The following TBC1D19 variants were observed in gnomAD, a reference collection of about 807,000 sequenced individuals.
TBC1D19 encodes the protein TBC1 domain family, member 19.
In TBC1D19, 60 loss-of-function variants were observed where a neutral mutation model predicts 89.0. The ratio of observed to expected loss-of-function variants is 0.67; its 90% CI spans 0.55 to 0.84. TBC1D19 has a LOEUF of 0.84. Among genes scored for constraint, TBC1D19 ranks in the 40% least tolerant of loss-of-function variants. The pLI is 0.00. For synonymous variants in TBC1D19, 189 were observed against 199.7 expected (o/e 0.95, Z 0.45); for missense variants, 500 against 610.8 (o/e 0.82, Z 1.91).
At position 26,670,813 on chromosome 4, in the gene TBC1D19, A is replaced by G. The variant is rs183283403; in HGVS notation, c.665-1336A>G. On this transcript the variant is annotated intron_variant, in intron 9 of 20. Transcript: ENST00000264866. Reference sequence around the variant, plus strand: ...TATTTTTGTACTTTATAGAAATGAAATCATATAGTATATACTCTTTTGTGT... The same window carrying G: ...TATTTTTGTACTTTATAGAAATGAAGTCATATAGTATATACTCTTTTGTGT... Among the ~76,000 whole-genome samples the G allele has an allele frequency of 3.6e-3, 552 of 151,814 alleles. 3 individuals carry two copies. The highest frequency in any genetic ancestry group is 6.3e-3 in the Non-Finnish European group (424 of 67,744).
At chr4:26,709,108 C>A (rs1715965011) in intron 13 of TBC1D19, among the ~76,000 whole-genome samples, 1 of 151,688 alleles carries the variant, frequency 6.6e-6, no homozygotes, top group Non-Finnish European at 1.5e-5. Flanking sequence ...AAATCAGATT[C>A]TTTTTCTTCC....
At chr4:26,605,673 G>A (rs1263234815) in intron 1 of TBC1D19, among the ~76,000 whole-genome samples, 1 of 152,192 alleles carries the variant, frequency 6.6e-6, no homozygotes, top group African/African-American at 2.4e-5. Flanking sequence ...CCCACCAACA[G>A]TGTAAAAGTG....
the TBC1D19 span, among the ~76,000 whole-genome samples, chr4:26,800,370 A>G: frequency 1.6e-4 from 24 of 152,168 alleles, no homozygotes; most frequent in Admixed American, 2.0e-4. Flanking sequence ...ATTCCATGGT[A>G]CATATGTGCT....
the TBC1D19 span, among the ~76,000 whole-genome samples, chr4:26,764,124 G>A: frequency 6.6e-6 from 1 of 152,158 alleles, no homozygotes; most frequent in African/African-American, 2.4e-5. Context: ...TAAATGAAAT[G>A]TACTTCTTTT....
chr4:26,792,776 T>C, the TBC1D19 span, among the ~76,000 whole-genome samples: 2 of 152,232 alleles, frequency 1.3e-5, no homozygotes, highest in Middle Eastern at 3.2e-3. Context: ...CCTGCAGTAC[T>C]GCAAAGGCTA....
chr4:26,706,581 C>A (rs1314205428), intron 13 of TBC1D19, among the ~76,000 whole-genome samples: 2 of 151,972 alleles, frequency 1.3e-5, no homozygotes, highest in Non-Finnish European at 2.9e-5. Context: ...TAGCTTCTAG[C>A]CTAGTTTGCC....
At chr4:26,592,503 T>G in intron 1 of TBC1D19, among the ~76,000 whole-genome samples, 1 of 150,764 alleles carries the variant, frequency 6.6e-6, no homozygotes. Flanking sequence ...TCAGGCAGGT[T>G]AAAGAAATAA....
the TBC1D19 span, among the ~76,000 whole-genome samples, chr4:26,843,419 T>A: frequency 6.6e-6 from 1 of 152,054 alleles, no homozygotes; most frequent in Non-Finnish European, 1.5e-5. Flanking sequence ...GAGGTTGGGA[T>A]TCAACATCTC....
At chr4:26,684,069 G>A (rs534458671) in intron 12 of TBC1D19, among the ~76,000 whole-genome samples, 25 of 152,100 alleles carry the variant, frequency 1.6e-4, no homozygotes, top group Middle Eastern at 3.4e-3. Flanking sequence ...AAGCAAAACC[G>A]GATTATAATA....
intron 13 of TBC1D19, among the ~76,000 whole-genome samples, chr4:26,699,296 A>G (rs71612803): frequency 1.3e-5 from 2 of 152,232 alleles, no homozygotes; most frequent in African/African-American, 2.4e-5. Flanking sequence ...AGAAATGCAA[A>G]TCAAAACCAC....
chr4:26,606,431 A>G (rs940772975), intron 1 of TBC1D19, among the ~76,000 whole-genome samples: 9 of 152,230 alleles, frequency 5.9e-5, no homozygotes, highest in African/African-American at 2.2e-4. Flanking sequence ...ATCTTCACAT[A>G]GGAAGCTCTC....
At chr4:26,614,193 C>T (rs1043602250) in intron 2 of TBC1D19, among the ~76,000 whole-genome samples, 25 of 152,070 alleles carry the variant, frequency 1.6e-4, no homozygotes, top group African/African-American at 5.6e-4. Context: ...TTTAAAATAT[C>T]ATGTTGATGA....
At chr4:26,651,065 A>G (rs1744333163) in intron 7 of TBC1D19, among the ~76,000 whole-genome samples, 1 of 152,054 alleles carries the variant, frequency 6.6e-6, no homozygotes, top group Admixed American at 6.6e-5. Context: ...GTTCTGTTCC[A>G]TTGGTCTATA....
chr4:26,814,686 T>G, the TBC1D19 span, among the ~76,000 whole-genome samples: 13 of 152,242 alleles, frequency 8.5e-5, no homozygotes, highest in African/African-American at 2.7e-4. Context: ...CTTCCAAATC[T>G]TTAGCATTTT....
intron 1 of TBC1D19, among the ~76,000 whole-genome samples, chr4:26,604,254 C>T (rs1241085602): frequency 1.3e-5 from 2 of 148,780 alleles, no homozygotes; most frequent in Admixed American, 1.3e-4. Context: ...GTCGGGTTCA[C>T]GCCATTCTCC....
chr4:26,753,967 C>A (rs1295581899), intron 20 of TBC1D19, 77 bp downstream of exon 20: 3 of 1,508,184 alleles, frequency 2.0e-6, no homozygotes, highest in East Asian at 2.3e-5. Flanking sequence ...GTGTCTGTTG[C>A]ATAGGACACG....
At chr4:26,650,910 A>G (rs1458963271) in intron 7 of TBC1D19, among the ~76,000 whole-genome samples, 1 of 152,154 alleles carries the variant, frequency 6.6e-6, no homozygotes, top group Non-Finnish European at 1.5e-5. Context: ...TAAGGAAGGG[A>G]TCCAGTTTCA....
At chr4:26,760,642 C>T (rs1269144049), downstream of TBC1D19, among the ~76,000 whole-genome samples, 1 of 152,094 alleles carries the variant, frequency 6.6e-6, no homozygotes, top group East Asian at 1.9e-4. Context: ...AATTTTCTCC[C>T]AGCCTATAGG....
chr4:26,841,176 A>G, the TBC1D19 span, among the ~76,000 whole-genome samples: 4 of 152,162 alleles, frequency 2.6e-5, no homozygotes, highest in Admixed American at 2.6e-4. Flanking sequence ...CAGGAGTTTG[A>G]GCCCACCCTG....
Sources: gnomAD v4.1 joint callset for allele counts (sites outside exome capture counted in the v4.1 genomes callset) on GRCh38, gnomAD v4.1.1 for gene constraint, MANE v1.5 for transcripts, NCBI Gene and HGNC (gene_info 2026-07-23, HGNC 2026-07-21) for gene names.